NF1: variants seen among roughly 807,000 people sequenced by gnomAD.
NF1 encodes the protein neurofibromin 1, also known as neurofibromin.
Under a neutral mutation model 325.7 loss-of-function variants are expected in NF1, and 122 were observed. The observed-to-expected ratio is 0.37, with a 90% CI of 0.32 to 0.44. The LOEUF is 0.44. NF1 is among the 20% of genes least tolerant of loss of function. The pLI, the probability that NF1 is intolerant of heterozygous loss-of-function variation, is 1.00. For missense variants in NF1, 2,140 were observed against 3,415.4 expected (o/e 0.63, Z 9.31); for synonymous variants, 1,091 against 1,186.0 (o/e 0.92, Z 1.65).
intron 5 of NF1, among the ~76,000 whole-genome samples, chr17:31,180,908 C>CA (rs2066117896): frequency 6.6e-6 from 1 of 152,162 alleles, no homozygotes; most frequent in Admixed American, 6.5e-5. Flanking sequence ...TCTCAGGATA[C>CA]AAAATCAATG....
At chr17:31,203,000 G>T (rs955818102) in intron 11 of NF1, among the ~76,000 whole-genome samples, 2 of 152,150 alleles carry the variant, frequency 1.3e-5, no homozygotes, top group African/African-American at 4.8e-5. Context: ...TTGCATAAAT[G>T]CTTAAAATTT....
intron 36 of NF1, among the ~76,000 whole-genome samples, chr17:31,323,556 T>C (rs994401220): frequency 2.6e-5 from 4 of 152,320 alleles, no homozygotes; most frequent in African/African-American, 9.6e-5. Flanking sequence ...GAGCCCCTAG[T>C]AGAAAACCTA....
At chr17:31,280,249 C>A (rs1216167971) in intron 36 of NF1, among the ~76,000 whole-genome samples, 1 of 150,344 alleles carries the variant, frequency 6.7e-6, no homozygotes. Flanking sequence ...TGTAAGAACC[C>A]ACACCTGTAA....
intron 57 of NF1, among the ~76,000 whole-genome samples, chr17:31,361,940 T>C (rs1477840778): frequency 6.6e-6 from 1 of 152,246 alleles, no homozygotes; most frequent in East Asian, 1.9e-4. Flanking sequence ...TAATCCTTTT[T>C]TCCCCCAGAA....
chr17:31,198,925 C>T (rs1034791583), intron 8 of NF1, among the ~76,000 whole-genome samples: 1 of 152,062 alleles, frequency 6.6e-6, no homozygotes, highest in Non-Finnish European at 1.5e-5. Flanking sequence ...GGCCGTGTCA[C>T]CACTTTCATA....
Position 31,152,784 on chromosome 17 carries a change from A to G in NF1, c.61-3199A>G, listed in dbSNP as rs573835508. On this transcript the variant is annotated intron_variant, in intron 1 of 57. Coordinates refer to ENST00000358273, the MANE Select transcript of NF1 (RefSeq NM_001042492.3). ...TTACAGTTTTCATCTGTTGGTGGAT[A>G]TGTCTTTTTGGAAACTTTGATTTTC... Among the ~76,000 whole-genome samples the G allele has an allele frequency of 4.0e-5, 6 of 151,700 alleles. No homozygotes were observed. The South Asian group carries it at 8.3e-4, about 21-fold the overall frequency.
chr17:31,265,424 A>T, intron 36 of NF1, 85 bp downstream of exon 36: 1 of 966,784 alleles, frequency 1.0e-6, no homozygotes, highest in Non-Finnish European at 1.6e-6. Flanking sequence ...GGTTTTTCCC[A>T]GTTGACTTAA....
intron 8 of NF1, among the ~76,000 whole-genome samples, chr17:31,199,066 A>G (rs528578210): frequency 4.4e-4 from 66 of 150,866 alleles, no homozygotes; most frequent in Non-Finnish European, 8.6e-4. Flanking sequence ...ATTTTTCTCC[A>G]TTGTTTTTCT....
At chr17:31,127,370 G>A (rs1210702703) in intron 1 of NF1, among the ~76,000 whole-genome samples, 1 of 151,950 alleles carries the variant, frequency 6.6e-6, no homozygotes, top group Non-Finnish European at 1.5e-5. Context: ...ACATTGTTAT[G>A]ATATTGAGGC....
At chr17:31,354,210 GAT>G (rs763523461) in intron 51 of NF1, among the ~76,000 whole-genome samples, 7 of 152,184 alleles carry the variant, frequency 4.6e-5, no homozygotes, top group Non-Finnish European at 8.8e-5. Context: ...CCATTAAAAT[GAT>G]ATGTCTTGAT....
chr17:31,142,501 A>G (rs1916291456), intron 1 of NF1, among the ~76,000 whole-genome samples: 1 of 152,148 alleles, frequency 6.6e-6, no homozygotes, highest in East Asian at 1.9e-4. Flanking sequence ...GTGTTTCAGT[A>G]TTACTTTTTT....
chr17:31,336,992 AT>A lies in NF1; in HGVS notation c.6427+81del. 6.8e-7 allele frequency: 1 copy of A among 1,481,124 alleles called. No individual in the cohort carries two copies. Among genetic ancestry groups the A allele is most frequent in the African/African-American group, 1.4e-5 (1 of 72,370 alleles). The allele number at this position is 1,481,124 out of a possible 1,614,324, so 91.7% of individuals were successfully genotyped here. On this transcript the variant is annotated intron_variant, in intron 42 of 57. Coordinates refer to ENST00000358273, the MANE Select transcript of NF1 (RefSeq NM_001042492.3). The surrounding 1 kb of genome is among the most constrained non-coding windows in gnomAD (Gnocchi z 5.5). Reference sequence around the variant, plus strand: ...TCACCTGATCAATATAGATTATCTTATTTATGTTTGTGCTCTAACACCAAGT... The same window carrying A: ...TCACCTGATCAATATAGATTATCTTATTATGTTTGTGCTCTAACACCAAGT...
Position 31,235,797 on chromosome 17 carries a change from A to G in NF1, c.3870+25A>G, listed in dbSNP as rs372553071. 5 of 1,613,964 alleles carry G rather than the reference A, an allele frequency of 3.1e-6. No homozygotes were observed. The Admixed American group carries it at 5.0e-5, about 16-fold the overall frequency. Reference sequence around the variant, plus strand: ...GGTTTGTATCATTCATTTTGTGTGTATGTGTGTGCTGAGGTATGTCAAGTA... The same window carrying G: ...GGTTTGTATCATTCATTTTGTGTGTGTGTGTGTGCTGAGGTATGTCAAGTA... On this transcript the variant is annotated intron_variant, in intron 28 of 57. Coordinates refer to ENST00000358273, the MANE Select transcript of NF1 (RefSeq NM_001042492.3).
At chr17:31,319,845 C>G (rs776041898) in intron 36 of NF1, among the ~76,000 whole-genome samples, 1 of 150,850 alleles carries the variant, frequency 6.6e-6, no homozygotes, top group African/African-American at 2.4e-5. Flanking sequence ...TCATTTATAC[C>G]TAGCATTTTT....
intron 27 of NF1, among the ~76,000 whole-genome samples, chr17:31,233,459 C>T (rs1597720556): frequency 1.3e-5 from 2 of 152,252 alleles, no homozygotes; most frequent in East Asian, 1.9e-4. Context: ...CTGATCTACT[C>T]TGGTGTCTTC....
At chr17:31,304,596 C>T (rs1438945482) in intron 36 of NF1, 11 of 1,613,976 alleles carry the variant, frequency 6.8e-6, no homozygotes, top group Non-Finnish European at 8.5e-6. Context: ...GTGGTGGAGG[C>T]AGATCTGCAT....
At chr17:31,307,929 A>G (rs761297735) in intron 36 of NF1, 16 of 1,288,856 alleles carry the variant, frequency 1.2e-5, no homozygotes, top group Non-Finnish European at 1.6e-5. Flanking sequence ...TTACTCCTCT[A>G]CCACTTGGTA....
At chr17:31,112,658 T>TA (rs1400654216) in intron 1 of NF1, among the ~76,000 whole-genome samples, 10 of 152,220 alleles carry the variant, frequency 6.6e-5, no homozygotes, top group African/African-American at 2.4e-4. Flanking sequence ...GAATTCATAA[T>TA]ATATGCTGAA....
chr17:31,222,233 G>A, intron 15 of NF1: 1 of 1,080,630 alleles, frequency 9.3e-7, no homozygotes, highest in Non-Finnish European at 1.1e-6. Flanking sequence ...ATTTTTAATA[G>A]ATTTTCATAG....
Sources: allele counts gnomAD v4.1 joint callset (sites outside exome capture counted in the v4.1 genomes callset), GRCh38; gene constraint gnomAD v4.1.1; non-coding constraint Gnocchi (gnomAD v3.1); transcripts MANE v1.5; gene names NCBI Gene and HGNC (gene_info 2026-07-23, HGNC 2026-07-21).